The following STK38 variants were observed in gnomAD, a reference collection of about 807,000 sequenced individuals.
STK38 encodes serine/threonine-protein kinase 38.
STK38 carries 26 observed loss-of-function variants against 59.0 expected under a neutral mutation model. The observed-to-expected ratio is 0.44, with a 90% CI of 0.32 to 0.61. The LOEUF (loss-of-function observed/expected upper bound fraction) is 0.61, where lower values mean the gene tolerates loss of function less well. STK38 is among the 20% of genes least tolerant of loss of function. The pLI, the probability that STK38 is intolerant of heterozygous loss-of-function variation, is 0.04. For synonymous variants in STK38, 175 were observed against 176.6 expected (o/e 0.99, Z 0.07); for missense variants, 433 against 566.0 (o/e 0.76, Z 2.38).
intron 2 of STK38, among the ~76,000 whole-genome samples, chr6:36,529,929 C>G (rs1777626039): frequency 3.3e-5 from 5 of 151,960 alleles, no homozygotes; most frequent in Admixed American, 3.3e-4. Context: ...CACTGAAAAC[C>G]AGGAAAAATA....
Position 36,514,432 on chromosome 6 carries a change from C to T in STK38, c.669+906G>A, listed in dbSNP as rs75805536. Among the ~76,000 whole-genome samples, 597 of 152,148 alleles carry T rather than the reference C, an allele frequency of 3.9e-3. 2 individuals are homozygous for T. Among genetic ancestry groups the T allele is most frequent in the African/African-American group, 0.014 (568 of 41,494 alleles). Reference sequence around the variant, plus strand: ...TACTTTTCACCTTACAAGAAAAATTCAGTCAAGACAACAAGTCTGCTTAAC... The same window carrying T: ...TACTTTTCACCTTACAAGAAAAATTTAGTCAAGACAACAAGTCTGCTTAAC... On this transcript the variant is annotated intron_variant, in intron 7 of 13. Transcript: ENST00000229812.
At chr6:36,516,340 A>G (rs1273657134) in intron 6 of STK38, among the ~76,000 whole-genome samples, 1 of 152,216 alleles carries the variant, frequency 6.6e-6, no homozygotes, top group East Asian at 1.9e-4. Flanking sequence ...TGCAAAGAAA[A>G]TATGTATAAG....
intron 9 of STK38, among the ~76,000 whole-genome samples, chr6:36,503,126 C>G (rs1393971750): frequency 1.3e-5 from 2 of 152,186 alleles, no homozygotes; most frequent in African/African-American, 4.8e-5. Context: ...GGTAGAATTG[C>G]AGCGCTGTAG....
chr6:36,519,754 A>C (rs1777337742), intron 5 of STK38, among the ~76,000 whole-genome samples: 1 of 152,196 alleles, frequency 6.6e-6, no homozygotes. Context: ...GTGCCCTAAG[A>C]AAGCAGAAAT....
intron 9 of STK38, among the ~76,000 whole-genome samples, chr6:36,506,152 T>C (rs1398847846): frequency 6.6e-6 from 1 of 152,122 alleles, no homozygotes; most frequent in Non-Finnish European, 1.5e-5. Context: ...GTGAGGCAAA[T>C]GAATTGAGGA....
intron 2 of STK38, among the ~76,000 whole-genome samples, chr6:36,527,293 C>T (rs1777551125): frequency 7.0e-6 from 1 of 141,992 alleles, no homozygotes. Flanking sequence ...TATACATATA[C>T]ACATATGTAT....
chr6:36,544,408 C>T (rs927509008), intron 1 of STK38, among the ~76,000 whole-genome samples: 1 of 150,308 alleles, frequency 6.7e-6, no homozygotes, highest in Non-Finnish European at 1.5e-5. Flanking sequence ...CAGCCTGTAC[C>T]CCCCCCTCCA....
intron 2 of STK38, among the ~76,000 whole-genome samples, chr6:36,527,943 CA>C (rs56805046): frequency 0.26 from 33,838 of 128,118 alleles, 4,024 homozygotes; most frequent in East Asian, 0.39. Context: ...ACTAAAAATA[CA>C]AAAAAAAAAA....
At chr6:36,496,950 T>C (rs1234931624) in intron 12 of STK38, 145 bp from the exon 13 acceptor site, 6 of 594,472 alleles carry the variant, frequency 1.0e-5, no homozygotes, top group South Asian at 2.3e-5. Context: ...GAAAAACTTA[T>C]AAACACTGAC....
At chr6:36,507,278 C>T (rs1365428746) in intron 8 of STK38, among the ~76,000 whole-genome samples, 1 of 152,070 alleles carries the variant, frequency 6.6e-6, no homozygotes, top group East Asian at 1.9e-4. Context: ...CCCAGTAGAC[C>T]TCTAAAGACC....
intron 2 of STK38, among the ~76,000 whole-genome samples, chr6:36,535,319 G>A (rs1398588666): frequency 6.6e-6 from 1 of 151,850 alleles, no homozygotes; most frequent in Non-Finnish European, 1.5e-5. Flanking sequence ...GGTGGTGGCA[G>A]GTGCCTGTAG....
At chr6:36,529,631 T>C (rs887146199) in intron 2 of STK38, among the ~76,000 whole-genome samples, 2 of 152,212 alleles carry the variant, frequency 1.3e-5, no homozygotes, top group Non-Finnish European at 1.5e-5. Context: ...TCATTTCTTA[T>C]ATGAGAGAGT....
intron 2 of STK38, among the ~76,000 whole-genome samples, chr6:36,531,693 T>C (rs1460728728): frequency 6.6e-6 from 1 of 152,266 alleles, no homozygotes; most frequent in African/African-American, 2.4e-5. Flanking sequence ...CACTGTGTGA[T>C]GGACACTAGA....
chr6:36,495,742 T>C lies in STK38; in HGVS notation c.*42A>G, dbSNP rs766587211. The C allele has an allele frequency of 3.1e-6, 5 of 1,611,724 alleles. No individual in the cohort carries two copies. The South Asian group carries it at 4.4e-5, about 14-fold the overall frequency. On this transcript the variant is annotated 3_prime_UTR_variant, in exon 14 of 14. Coordinates refer to ENST00000229812, the MANE Select transcript of STK38 (RefSeq NM_007271.4). ...GTGTGAGAGGAAAAGCATGATGTTA[T>C]ACAAAGAACTCTGCTCCACATAGGA...
At chr6:36,502,808 T>A (rs1382133474) in intron 9 of STK38, among the ~76,000 whole-genome samples, 1 of 152,210 alleles carries the variant, frequency 6.6e-6, no homozygotes, top group African/African-American at 2.4e-5. Flanking sequence ...AATTTTGCCA[T>A]CTATCTCTCT....
intron 7 of STK38, among the ~76,000 whole-genome samples, chr6:36,514,500 G>C (rs1205691444): frequency 1.3e-5 from 2 of 152,074 alleles, no homozygotes; most frequent in Admixed American, 6.6e-5. Flanking sequence ...CGGGATTTTA[G>C]GGGTTTCCTA....
chr6:36,532,838 G>A (rs1777698898), intron 2 of STK38, among the ~76,000 whole-genome samples: 1 of 152,036 alleles, frequency 6.6e-6, no homozygotes, highest in African/African-American at 2.4e-5. Context: ...GGCAGCAACT[G>A]CAGTGAGCCG....
chr6:36,519,372 A>C lies in STK38; in HGVS notation c.391-1532T>G, dbSNP rs538494775. ...TGCCCCACAGCCATGGCTAGGACCCAGTCACTACAAGACATTAATACAGTA... is the reference window on the plus strand; with the variant it reads ...TGCCCCACAGCCATGGCTAGGACCCCGTCACTACAAGACATTAATACAGTA... On this transcript the variant is annotated intron_variant, in intron 5 of 13. Coordinates refer to ENST00000229812, the MANE Select transcript of STK38 (RefSeq NM_007271.4). Among the ~76,000 whole-genome samples, 91 of 152,310 alleles carry C rather than the reference A, an allele frequency of 6.0e-4. 2 individuals carry two copies. In the South Asian group the frequency reaches 0.014, roughly 24 times the overall value.
chr6:36,504,022 A>G (rs1175034059), intron 9 of STK38, among the ~76,000 whole-genome samples: 1 of 152,226 alleles, frequency 6.6e-6, no homozygotes, highest in East Asian at 1.9e-4. Context: ...GTGTCAATGA[A>G]AATTGCTATC....
Sources: allele counts gnomAD v4.1 joint callset (sites outside exome capture counted in the v4.1 genomes callset), GRCh38; gene constraint gnomAD v4.1.1; transcripts MANE v1.5; gene names NCBI Gene and HGNC (gene_info 2026-07-23, HGNC 2026-07-21).